The following FAR1 variants were observed in gnomAD, a reference collection of about 807,000 sequenced individuals.
FAR1 encodes the protein male sterility domain-containing protein 2.
FAR1 carries 22 observed loss-of-function variants against 61.1 expected under a neutral mutation model. The ratio of observed to expected loss-of-function variants is 0.36; its 90% CI spans 0.26 to 0.51. The LOEUF (loss-of-function observed/expected upper bound fraction) is 0.51. Ranked by LOEUF, FAR1 falls within the 20% of genes least tolerant of loss-of-function variation. The pLI is 0.95. For synonymous variants in FAR1, 206 were observed against 209.7 expected, an observed-to-expected ratio of 0.98 and a Z score of 0.15; for missense variants, 359 against 626.9, an observed-to-expected ratio of 0.57 and a Z score of 4.56.
chr11:13,723,294 G>T (rs796555977), intron 10 of FAR1: 1 of 355,090 alleles, frequency 2.8e-6, no homozygotes, highest in Non-Finnish European at 5.4e-6. Flanking sequence ...GAGCCCGGGA[G>T]GTCAAGGCTG....
intron 1 of FAR1, among the ~76,000 whole-genome samples, chr11:13,676,563 TGA>T (rs1350115252): frequency 1.3e-5 from 2 of 152,156 alleles, no homozygotes; most frequent in African/African-American, 4.8e-5. Context: ...AGTGGAGCCC[TGA>T]GATACAAGTG....
intron 2 of FAR1, among the ~76,000 whole-genome samples, chr11:13,699,835 A>G (rs887346939): frequency 7.2e-5 from 11 of 152,150 alleles, no homozygotes; most frequent in African/African-American, 2.7e-4. Context: ...CTTTTTAAAA[A>G]TTTGTTCTAA....
intron 1 of FAR1, among the ~76,000 whole-genome samples, chr11:13,677,583 G>A (rs558330479): frequency 1.3e-5 from 2 of 152,266 alleles, no homozygotes; most frequent in East Asian, 1.9e-4. Flanking sequence ...GACTGATCCC[G>A]ATTCTGAGTT....
At chr11:13,698,717 G>A (rs1848336398) in intron 2 of FAR1, among the ~76,000 whole-genome samples, 1 of 151,954 alleles carries the variant, frequency 6.6e-6, no homozygotes, top group Non-Finnish European at 1.5e-5. Flanking sequence ...TGTAGTCCCA[G>A]CTACTCTGGA....
chr11:13,672,920 T>C (rs1180483640), intron 1 of FAR1, among the ~76,000 whole-genome samples: 2 of 152,228 alleles, frequency 1.3e-5, no homozygotes, highest in Non-Finnish European at 2.9e-5. Context: ...ACTGATAGAA[T>C]TGTGTCATTT....
At position 13,728,918 on chromosome 11, in the gene FAR1, T is replaced by A; in HGVS notation, c.*144T>A. 1 of 731,002 alleles carries A rather than the reference T, an allele frequency of 1.4e-6. No homozygotes were observed. Among genetic ancestry groups the A allele is most frequent in the Non-Finnish European group, 2.2e-6 (1 of 459,320 alleles). The allele number at this position is 731,002 out of a possible 1,614,324, so 45.3% of individuals were successfully genotyped here. Reference sequence around the variant, plus strand: ...GAAGTAAATTATGGTATATTTTATGTAACATTTTAATGTTTATGCTCATAA... The same window carrying A: ...GAAGTAAATTATGGTATATTTTATGAAACATTTTAATGTTTATGCTCATAA... On this transcript the variant is annotated 3_prime_UTR_variant, in exon 12 of 12. Coordinates refer to ENST00000354817, the MANE Select transcript of FAR1 (RefSeq NM_032228.6).
chr11:13,706,651 AT>A (rs1848436320), intron 3 of FAR1, among the ~76,000 whole-genome samples: 12 of 152,086 alleles, frequency 7.9e-5, no homozygotes, highest in Admixed American at 7.9e-4. Flanking sequence ...TCTTTTTGTA[AT>A]TTTTAAAAAT....
intron 5 of FAR1, chr11:13,711,073 A>C (rs1848493752): frequency 2.0e-6 from 1 of 504,668 alleles, no homozygotes; most frequent in African/African-American, 2.0e-5. Context: ...AGAAATGTAG[A>C]TCAACATTTA....
intron 3 of FAR1, among the ~76,000 whole-genome samples, chr11:13,703,221 C>T (rs1471655050): frequency 2.0e-5 from 3 of 152,076 alleles, no homozygotes; most frequent in Admixed American, 1.3e-4. Flanking sequence ...TCACCTTTAT[C>T]GCCCAGGCTG....
intron 1 of FAR1, among the ~76,000 whole-genome samples, chr11:13,669,009 G>T (rs1196459682): frequency 6.6e-6 from 1 of 151,756 alleles, no homozygotes; most frequent in African/African-American, 2.4e-5. Flanking sequence ...TCTTTGCCCC[G>T]CCGCCGCCCT....
chr11:13,688,251 TC>T (rs11311385), intron 1 of FAR1, among the ~76,000 whole-genome samples: 75,756 of 151,148 alleles, frequency 0.5, 19,248 homozygotes, highest in Non-Finnish European at 0.54. Context: ...TGTTTTTTTT[TC>T]CCCTAGGAGG....
chr11:13,690,030 C>T (rs1848232116), intron 1 of FAR1, among the ~76,000 whole-genome samples: 1 of 152,082 alleles, frequency 6.6e-6, no homozygotes, highest in Non-Finnish European at 1.5e-5. Flanking sequence ...CGTGTGCCAC[C>T]ACGCCCGACT....
chr11:13,670,561 G>A (rs1847989579), intron 1 of FAR1, among the ~76,000 whole-genome samples: 2 of 152,184 alleles, frequency 1.3e-5, no homozygotes, highest in Admixed American at 1.3e-4. Context: ...CAAAGTGCTG[G>A]GATTACAGGC....
chr11:13,727,575 G>A lies in FAR1; in HGVS notation c.1277G>A (p.Arg426Gln), dbSNP rs2134203542. The change falls in exon 11 of 12, where the codon CGG becomes CAG. Residue 426 changes from arginine (R) to glutamine (Q), a missense_variant. Physicochemically the swap from Arg to Gln is conservative, Grantham distance 43. This residue lies in a region of FAR1 where 344 missense variants were observed against 570.3 expected (regional missense o/e 0.60). Transcript: ENST00000354817. Reference sequence around the variant, plus strand: ...ACGTAGACCTTCAATATTGATGTACGGCAGTTACATTGGGCAGAATATATA... The same window carrying A: ...ACGTAGACCTTCAATATTGATGTACAGCAGTTACATTGGGCAGAATATATA... ...EDKKTFNIDV[R>Q]QLHWAEYIEN... 6.2e-7 allele frequency: 1 copy of A among 1,606,264 alleles called. No homozygotes were observed. Among genetic ancestry groups the A allele is most frequent in the Non-Finnish European group, 8.5e-7 (1 of 1,175,836 alleles).
chr11:13,710,645 T>C (rs746757255), intron 4 of FAR1, 48 bp from the exon 5 acceptor site: 1 of 1,479,186 alleles, frequency 6.8e-7, no homozygotes, highest in Non-Finnish European at 9.0e-7. Context: ...GCTTTTTATT[T>C]TATAGTAAAA....
chr11:13,705,180 C>T (rs957768119), intron 3 of FAR1, among the ~76,000 whole-genome samples: 19 of 151,834 alleles, frequency 1.3e-4, no homozygotes, highest in South Asian at 4.2e-4. Context: ...CCTGTCTTAC[C>T]GAAGATACAT....
rs1293301094 is a variant in FAR1 at position 13,732,077 on chromosome 11, T to C, written c.*3303T>C. ...TTGCATGAGAAACTAGAAAAAGGAA[T>C]GTATGCCACGTAACTGGATTACAGA... On this transcript the variant is annotated 3_prime_UTR_variant, in exon 12 of 12. Coordinates refer to ENST00000354817, the MANE Select transcript of FAR1 (RefSeq NM_032228.6). 1.3e-5 allele frequency: 2 copies of C among 151,968 alleles called. No homozygotes were observed. Among genetic ancestry groups the C allele is most frequent in the African/African-American group, 2.4e-5 (1 of 41,372 alleles). The allele number at this position is 151,968 out of a possible 1,614,324, so 9.4% of individuals were successfully genotyped here.
Position 13,721,861 on chromosome 11 carries a change from C to T in FAR1, c.1257+2C>T. The T allele has an allele frequency of 6.3e-7, 1 of 1,592,250 alleles. No individual in the cohort carries two copies. Among genetic ancestry groups the T allele is most frequent in the South Asian group, 1.2e-5 (1 of 86,634 alleles). ...CAACTAAACCCTGAAGATAAAAAGG[C>T]AAGCAAGTATTTTCTGTTTTATATT... On this transcript the variant is annotated splice_donor_variant, in intron 10 of 11. Transcript: ENST00000354817. LOFTEE classifies it low-confidence loss of function (GC_TO_GT_DONOR). The surrounding 1 kb of genome is among the most constrained non-coding windows in gnomAD (Gnocchi z 4.2).
intron 1 of FAR1, among the ~76,000 whole-genome samples, 188 bp downstream of exon 1, chr11:13,668,994 G>A (rs952189249): frequency 2.6e-5 from 4 of 152,196 alleles, no homozygotes; most frequent in Non-Finnish European, 5.9e-5. Flanking sequence ...GGTGGTCTCT[G>A]CCCCTCTTTG....
Sources: allele counts gnomAD v4.1 joint callset (sites outside exome capture counted in the v4.1 genomes callset), GRCh38; gene constraint gnomAD v4.1.1; regional missense constraint gnomAD v4.1.1; non-coding constraint Gnocchi (gnomAD v3.1); transcripts MANE v1.5; gene names NCBI Gene and HGNC (gene_info 2026-07-23, HGNC 2026-07-21).